Variants in STAT1 observed in about 807,000 individuals in gnomAD.
The protein encoded by STAT1 is signal transducer and activator of transcription 1-alpha/beta.
A neutral mutation model predicts 111.7 loss-of-function variants in STAT1; 24 were observed. That is an observed-to-expected ratio of 0.21 (90% CI 0.16 to 0.30). The LOEUF (loss-of-function observed/expected upper bound fraction) is 0.30. Ranked by LOEUF, STAT1 falls within the 10% of genes least tolerant of loss-of-function variation. The pLI, the probability that STAT1 is intolerant of heterozygous loss-of-function variation, is 1.00. For missense variants in STAT1, 351 were observed against 911.9 expected (o/e 0.38, Z 7.92); for synonymous variants, 332 against 326.5 (o/e 1.02, Z -0.18).
intron 24 of STAT1, among the ~76,000 whole-genome samples, chr2:190,972,859 GATTT>G (rs910444475): frequency 7.0e-5 from 10 of 142,502 alleles, no homozygotes; most frequent in South Asian, 2.3e-4. Flanking sequence ...GTGTGAAATG[GATTT>G]ATTTTATTCT....
Position 190,978,110 on chromosome 2 carries a change from A to G in STAT1, c.1873+746T>C, listed in dbSNP as rs1692055098. On this transcript the variant is annotated intron_variant, in intron 21 of 24. Coordinates refer to ENST00000361099, the MANE Select transcript of STAT1 (RefSeq NM_007315.4). The surrounding 1 kb of genome is among the most constrained non-coding windows in gnomAD (Gnocchi z 6.1). ...GGAATATTTCAGAAAAATAAATAGAACAAGAAGAGTATTCCATTTTGTGTC... is the reference window on the plus strand; with the variant it reads ...GGAATATTTCAGAAAAATAAATAGAGCAAGAAGAGTATTCCATTTTGTGTC... 6.6e-6 allele frequency among the ~76,000 whole-genome samples: 1 copy of G among 152,218 alleles called. No homozygotes were observed. Among genetic ancestry groups the G allele is most frequent in the African/African-American group, 2.4e-5 (1 of 41,458 alleles).
At chr2:191,013,960 C>G (rs1191071944) in intron 1 of STAT1, 58 bp downstream of exon 1, 1 of 290,862 alleles carries the variant, frequency 3.4e-6, no homozygotes, top group Non-Finnish European at 6.3e-6. Context: ...CTGCACGGCC[C>G]GAGGACTCTG....
Position 190,999,200 on chromosome 2 carries a change from T to C in STAT1, c.541+426A>G, listed in dbSNP as rs1378174584. ...CAACGTTTGAAGAAACCTGAGATAT[T>C]AGGGCAGGGGAACTCCACATATCTA... On this transcript the variant is annotated intron_variant, in intron 7 of 24. Transcript: ENST00000361099. The surrounding 1 kb of genome is among the most constrained non-coding windows in gnomAD (Gnocchi z 4.1). 6.6e-6 allele frequency among the ~76,000 whole-genome samples: 1 copy of C among 152,152 alleles called. No homozygotes were observed. Among genetic ancestry groups the C allele is most frequent in the Non-Finnish European group, 1.5e-5 (1 of 68,020 alleles).
At position 190,989,721 on chromosome 2, in the gene STAT1, C is replaced by T; in HGVS notation, c.1038-47G>A. ...ATTACTTAAAAAAAATTATCTGTTA[C>T]AATTTATTTATTATGCCAATTCCCT... On this transcript the variant is annotated intron_variant, in intron 11 of 24. Transcript: ENST00000361099. The surrounding 1 kb of genome is among the most constrained non-coding windows in gnomAD (Gnocchi z 5.0). 2 of 1,377,452 alleles carry T rather than the reference C, an allele frequency of 1.5e-6. No homozygotes were observed. The highest frequency in any genetic ancestry group is 2.0e-6 in the Non-Finnish European group (2 of 981,274). 85.3% of individuals were successfully genotyped at this position (1,377,452 alleles called of 1,614,324 possible).
At position 190,989,789 on chromosome 2, in the gene STAT1, T is replaced by A; in HGVS notation, c.1038-115A>T. On this transcript the variant is annotated intron_variant, in intron 11 of 24. Coordinates refer to ENST00000361099, the MANE Select transcript of STAT1 (RefSeq NM_007315.4). This position sits in a 1 kb window ranked among gnomAD's most constrained non-coding sequence, Gnocchi z 5.0. ...CTACTCCCCCTCCAGTTTTAGGGTATTACCAACAAAAAAACTGACAGTTTT... is the reference window on the plus strand; with the variant it reads ...CTACTCCCCCTCCAGTTTTAGGGTAATACCAACAAAAAAACTGACAGTTTT... 1 of 713,426 alleles carries A rather than the reference T, an allele frequency of 1.4e-6. No individual in the cohort carries two copies. Among genetic ancestry groups the A allele is most frequent in the East Asian group, 2.8e-5 (1 of 35,930 alleles). The allele number at this position is 713,426 out of a possible 1,614,324, so 44.2% of individuals were successfully genotyped here.
rs1385773582 is a variant in STAT1 at position 190,982,499 on chromosome 2, G to A, written c.1466C>T (p.Thr489Ile). 6.2e-7 allele frequency: 1 copy of A among 1,614,088 alleles called. No homozygotes were observed. ...CTGAGCCCATCGTGCACATGGTGGA[G>A]TCAGGAAGAAGGACAGATTCTAGAG... ...AEPRNLSFFLTPPCARWAQLS... is the reference protein window; with the variant it reads ...AEPRNLSFFLIPPCARWAQLS... Residue 489 changes from threonine (T) to isoleucine (I), a missense_variant, in exon 18 of 25, where the codon ACT (threonine) becomes ATT (isoleucine). Physicochemically the swap from Thr to Ile is moderately conservative, Grantham distance 89. Transcript: ENST00000361099. The surrounding 1 kb of genome is among the most constrained non-coding windows in gnomAD (Gnocchi z 7.3).
At chr2:191,011,382 C>T (rs930653542) in intron 2 of STAT1, among the ~76,000 whole-genome samples, 4 of 152,164 alleles carry the variant, frequency 2.6e-5, no homozygotes, top group Non-Finnish European at 4.4e-5. Flanking sequence ...ATTAGCCAAG[C>T]GAACCCAGGT....
In STAT1 at chr2:190,997,005, C is replaced by A. The variant is rs1479823109; in HGVS notation, c.785+851G>T. Among the ~76,000 whole-genome samples the A allele has an allele frequency of 6.6e-6, 1 of 152,240 alleles. No individual in the cohort carries two copies. The highest frequency in any genetic ancestry group is 1.9e-4 in the East Asian group (1 of 5,194). On this transcript the variant is annotated intron_variant, in intron 9 of 24. Transcript: ENST00000361099. The surrounding 1 kb of genome is among the most constrained non-coding windows in gnomAD (Gnocchi z 7.3). Reference sequence around the variant, plus strand: ...AGCCTGCCTTGGCTCAGCAGTACAGCTGCGTACATCCCCCATTCCCAGCAT... The same window carrying A: ...AGCCTGCCTTGGCTCAGCAGTACAGATGCGTACATCCCCCATTCCCAGCAT...
In STAT1 at chr2:190,999,781, A is replaced by G. The variant is rs1216846993; in HGVS notation, c.463-77T>C. 6.8e-6 allele frequency: 7 copies of G among 1,022,226 alleles called. No homozygotes were observed. The highest frequency in any genetic ancestry group is 4.8e-5 in the East Asian group (2 of 41,362). 63.3% of individuals were successfully genotyped at this position (1,022,226 alleles called of 1,614,324 possible). ...CTTTAGGCAACAGAGTATTGCTTCTATGGAACCCAGAGAAACACGAAAACA... is the reference window on the plus strand; with the variant it reads ...CTTTAGGCAACAGAGTATTGCTTCTGTGGAACCCAGAGAAACACGAAAACA... On this transcript the variant is annotated intron_variant, in intron 6 of 24. Transcript: ENST00000361099. This position sits in a 1 kb window ranked among gnomAD's most constrained non-coding sequence, Gnocchi z 4.1.
chr2:191,010,753 A>T (rs1256700284), intron 2 of STAT1, among the ~76,000 whole-genome samples: 1 of 152,228 alleles, frequency 6.6e-6, no homozygotes, highest in Non-Finnish European at 1.5e-5. Context: ...TGGCATAAAG[A>T]AGTAATGATT....
chr2:190,989,514 C>T lies in STAT1; in HGVS notation c.1097+101G>A. ...CTTCCACCCAGTATAGACCCTTCCA[C>T]AGCTAGAAATCTGCTTATTTAGTGG... On this transcript the variant is annotated intron_variant, in intron 12 of 24. Transcript: ENST00000361099. This position sits in a 1 kb window ranked among gnomAD's most constrained non-coding sequence, Gnocchi z 5.0. 1 of 844,490 alleles carries T rather than the reference C, an allele frequency of 1.2e-6. No homozygotes were observed. 52.3% of individuals were successfully genotyped at this position (844,490 alleles called of 1,614,324 possible).
Position 190,997,771 on chromosome 2 carries a change from T to C in STAT1, c.785+85A>G. 2.5e-6 allele frequency: 4 copies of C among 1,592,596 alleles called. No homozygotes were observed. The highest frequency in any genetic ancestry group is 2.2e-5 in the South Asian group (2 of 90,462). On this transcript the variant is annotated intron_variant, in intron 9 of 24. Transcript: ENST00000361099. The surrounding 1 kb of genome is among the most constrained non-coding windows in gnomAD (Gnocchi z 7.3). ...TATACTAATGTTTTGACAGGGTCCA[T>C]TCAACTAACACAGCTCAAAGGTACA... is the stretch of plus-strand genomic sequence containing the variant.
intron 5 of STAT1, among the ~76,000 whole-genome samples, chr2:191,001,991 C>T (rs1694306687): frequency 6.6e-6 from 1 of 152,124 alleles, no homozygotes; most frequent in African/African-American, 2.4e-5. Flanking sequence ...TACACAGTGC[C>T]CTATACAGCA....
At position 191,008,501 on chromosome 2, in the gene STAT1, C is replaced by A. The variant is rs111515800; in HGVS notation, c.273+462G>T. On this transcript the variant is annotated intron_variant, in intron 4 of 24. Transcript: ENST00000361099. ...CACCAGAAGCAAGGCAAGGTGGAGT[C>A]TAGTTCCTGAAGTCACCTGACTTCC... 7.2e-5 allele frequency among the ~76,000 whole-genome samples: 11 copies of A among 152,300 alleles called. 1 individual carries two copies. Among genetic ancestry groups the A allele is most frequent in the African/African-American group, 2.4e-4 (10 of 41,572 alleles).
At position 191,013,998 on chromosome 2, in the gene STAT1, G is replaced by A. The variant is rs1016030613; in HGVS notation, c.-156+20C>T. 4.4e-6 allele frequency: 1 copy of A among 229,308 alleles called. No homozygotes were observed. The highest frequency in any genetic ancestry group is 8.4e-6 in the Non-Finnish European group (1 of 118,834). The allele number at this position is 229,308 out of a possible 1,614,324, so 14.2% of individuals were successfully genotyped here. On this transcript the variant is annotated intron_variant, in intron 1 of 24. Transcript: ENST00000361099. Reference sequence around the variant, plus strand: ...CCTGCGCGTCCCACCCCCGGCACCCGGAACCTCACGGCCACTCACTCTGCG... The same window carrying A: ...CCTGCGCGTCCCACCCCCGGCACCCAGAACCTCACGGCCACTCACTCTGCG...
In STAT1 at chr2:190,989,547, T is replaced by C. The variant is rs1013231998; in HGVS notation, c.1097+68A>G. On this transcript the variant is annotated intron_variant, in intron 12 of 24. Coordinates refer to ENST00000361099, the MANE Select transcript of STAT1 (RefSeq NM_007315.4). The surrounding 1 kb of genome is among the most constrained non-coding windows in gnomAD (Gnocchi z 5.0). ...AATCTGCTTATTTAGTGGAGGAATC[T>C]GTGCTTGAGTAACAAAATCAACATT... The C allele has an allele frequency of 2.8e-6, 3 of 1,060,390 alleles. No homozygotes were observed. The highest frequency in any genetic ancestry group is 2.2e-5 in the Admixed American group (1 of 45,650). The allele number at this position is 1,060,390 out of a possible 1,614,324, so 65.7% of individuals were successfully genotyped here.
At chr2:191,010,852 G>A (rs951295173) in intron 2 of STAT1, among the ~76,000 whole-genome samples, 1 of 152,318 alleles carries the variant, frequency 6.6e-6, no homozygotes, top group East Asian at 1.9e-4. Context: ...TTTTTACATA[G>A]TGATCCTAAA....
chr2:190,982,776 G>T lies in STAT1; in HGVS notation c.1447-258C>A, dbSNP rs143161327. Among the ~76,000 whole-genome samples, 61 of 152,240 alleles carry T rather than the reference G, an allele frequency of 4.0e-4. No homozygotes were observed. The highest frequency in any genetic ancestry group is 3.4e-3 in the Middle Eastern group (1 of 294). On this transcript the variant is annotated intron_variant, in intron 17 of 24. Transcript: ENST00000361099. This position sits in a 1 kb window ranked among gnomAD's most constrained non-coding sequence, Gnocchi z 7.3. ...TTTGGGGTCATTTGAAGACACACCC[G>T]TGCACACACAGCAGCACACAGCAGC...
intron 24 of STAT1, among the ~76,000 whole-genome samples, chr2:190,972,235 C>T (rs1007011702): frequency 5.3e-5 from 8 of 152,122 alleles, no homozygotes; most frequent in African/African-American, 1.2e-4. Flanking sequence ...AGATGGCATA[C>T]GTAAAATGTT....
Sources: gnomAD v4.1 joint callset for allele counts (sites outside exome capture counted in the v4.1 genomes callset) on GRCh38, gnomAD v4.1.1 for gene constraint, Gnocchi (gnomAD v3.1) non-coding constraint, MANE v1.5 for transcripts, NCBI Gene and HGNC (gene_info 2026-07-23, HGNC 2026-07-21) for gene names.